The following ABCC9 variants were observed in gnomAD, a reference collection of about 807,000 sequenced individuals.
ABCC9 encodes the protein ATP-binding cassette sub-family C member 9.
Under a neutral mutation model 188.3 loss-of-function variants are expected in ABCC9, and 95 were observed. The observed-to-expected ratio is 0.50, with a 90% confidence interval of 0.43 to 0.60. The LOEUF is 0.60. Ranked by LOEUF, ABCC9 falls within the 20% of genes least tolerant of loss-of-function variation. The pLI is 0.00. For missense variants in ABCC9, 1,102 were observed against 1,876.3 expected, an observed-to-expected ratio of 0.59 and a Z score of 7.62; for synonymous variants, 659 against 652.7, an observed-to-expected ratio of 1.01 and a Z score of -0.15.
At chr12:21,898,180 A>G (rs910587712) in intron 12 of ABCC9, among the ~76,000 whole-genome samples, 1 of 152,158 alleles carries the variant, frequency 6.6e-6, no homozygotes, top group African/African-American at 2.4e-5. Context: ...AAAATAAATA[A>G]TAGAATCAAA....
chr12:21,821,581 G>A (rs1003766509), intron 31 of ABCC9, among the ~76,000 whole-genome samples: 25 of 152,014 alleles, frequency 1.6e-4, no homozygotes, highest in Non-Finnish European at 4.4e-5. Flanking sequence ...AACAGTAGGA[G>A]TAATATGAAT....
At chr12:21,818,506 AAC>A (rs1176517497) in intron 31 of ABCC9, among the ~76,000 whole-genome samples, 1 of 141,630 alleles carries the variant, frequency 7.1e-6, no homozygotes, top group African/African-American at 2.6e-5. Flanking sequence ...ATCTATATAT[AAC>A]TATATAGATA....
intron 16 of ABCC9, among the ~76,000 whole-genome samples, chr12:21,882,335 T>C (rs1040266889): frequency 6.6e-6 from 1 of 152,128 alleles, no homozygotes; most frequent in African/African-American, 2.4e-5. Flanking sequence ...TGAAATGAGA[T>C]CAAGGGCAGT....
At chr12:21,910,405 T>A in intron 9 of ABCC9, 93 bp from the exon 10 acceptor site, 1 of 1,304,332 alleles carries the variant, frequency 7.7e-7, no homozygotes, top group Non-Finnish European at 1.1e-6. Flanking sequence ...AACATTTAAT[T>A]TTTTTGAGAA....
chr12:21,814,874 T>C, intron 34 of ABCC9, 152 bp from the exon 35 acceptor site: 2 of 714,786 alleles, frequency 2.8e-6, no homozygotes, highest in South Asian at 3.4e-5. Context: ...TAGATCTACA[T>C]TATGAATTAT....
At chr12:21,803,208 A>G (rs1941587156) in intron 39 of ABCC9, among the ~76,000 whole-genome samples, 1 of 152,098 alleles carries the variant, frequency 6.6e-6, no homozygotes, top group African/African-American at 2.4e-5. Flanking sequence ...CTATCCAATA[A>G]TATCTGCTGT....
At chr12:21,813,160 AT>A (rs1295329538) in intron 35 of ABCC9, among the ~76,000 whole-genome samples, 1 of 152,182 alleles carries the variant, frequency 6.6e-6, no homozygotes, top group South Asian at 2.1e-4. Context: ...TCCTGTATTG[AT>A]TTAATAATAC....
At chr12:21,897,315 G>A (rs1947476069) in intron 12 of ABCC9, among the ~76,000 whole-genome samples, 1 of 152,078 alleles carries the variant, frequency 6.6e-6, no homozygotes, top group Admixed American at 6.6e-5. Flanking sequence ...CTGGATATTA[G>A]ACAATTTTCA....
At chr12:21,911,826 C>T (rs1948338480) in intron 8 of ABCC9, among the ~76,000 whole-genome samples, 1 of 151,874 alleles carries the variant, frequency 6.6e-6, no homozygotes, top group South Asian at 2.1e-4. Context: ...ATTTAGATAT[C>T]CGTATGTAAT....
chr12:21,860,709 C>T (rs1217470279), intron 21 of ABCC9, among the ~76,000 whole-genome samples: 3 of 152,104 alleles, frequency 2.0e-5, no homozygotes, highest in African/African-American at 7.2e-5. Flanking sequence ...TGGTCAAAGC[C>T]AGGAACTATG....
intron 35 of ABCC9, 55 bp downstream of exon 35, chr12:21,814,589 T>C: frequency 1.4e-6 from 2 of 1,430,138 alleles, no homozygotes; most frequent in Non-Finnish European, 1.9e-6. Flanking sequence ...TAAATTGATG[T>C]TTTTTTAAAG....
At chr12:21,817,561 T>C (rs904271626) in intron 32 of ABCC9, among the ~76,000 whole-genome samples, 3 of 152,168 alleles carry the variant, frequency 2.0e-5, no homozygotes, top group Admixed American at 1.3e-4. Context: ...TGATGGATAG[T>C]GGTATACTCT....
chr12:21,855,564 G>A (rs1945180863), intron 22 of ABCC9, among the ~76,000 whole-genome samples: 1 of 152,080 alleles, frequency 6.6e-6, no homozygotes, highest in Non-Finnish European at 1.5e-5. Flanking sequence ...AGGCATAATT[G>A]AAAGTCCATT....
At chr12:21,915,280 A>ATT (rs1330943844) in intron 7 of ABCC9, among the ~76,000 whole-genome samples, 1 of 6,394 alleles carries the variant, frequency 1.6e-4, no homozygotes, top group African/African-American at 1.9e-4. Flanking sequence ...GTGTATATAT[A>ATT]TGTGTGTATA....
chr12:21,908,210 A>T lies in ABCC9; in HGVS notation c.1322T>A (p.Ile441Asn), dbSNP rs765941070. 4 of 1,612,300 alleles carry T rather than the reference A, an allele frequency of 2.5e-6. No individual in the cohort carries two copies. The highest frequency in any genetic ancestry group is 4.5e-5 in the East Asian group (2 of 44,798). Reference sequence around the variant, plus strand: ...ATAGAGCAGAATCACGCCCATTATGATCTAGAGAGAAAAACACATGGAAAA... The same window carrying T: ...ATAGAGCAGAATCACGCCCATTATGTTCTAGAGAGAAAAACACATGGAAAA... ...CPNLWAMPVQ[I>N]IMGVILLYNL... The change falls in exon 11 of 40, where the codon ATC (isoleucine) becomes AAC (asparagine). Residue 441 changes from isoleucine to asparagine, a missense_variant and splice_region_variant. Ile to Asn is a moderately radical substitution (Grantham distance 149). Coordinates refer to ENST00000261200, the MANE Select transcript of ABCC9 (RefSeq NM_020297.4).
At chr12:21,803,031 G>T (rs887230745) in intron 39 of ABCC9, among the ~76,000 whole-genome samples, 1 of 151,862 alleles carries the variant, frequency 6.6e-6, no homozygotes, top group African/African-American at 2.4e-5. Flanking sequence ...AACAAATTAT[G>T]TATTAGGTTG....
intron 12 of ABCC9, among the ~76,000 whole-genome samples, chr12:21,903,411 T>C (rs1205829367): frequency 6.6e-6 from 1 of 152,134 alleles, no homozygotes; most frequent in African/African-American, 2.4e-5. Flanking sequence ...TTCAGCATAG[T>C]GTTGGAAGTA....
chr12:21,826,000 T>C (rs752724584), intron 31 of ABCC9, among the ~76,000 whole-genome samples: 1 of 152,146 alleles, frequency 6.6e-6, no homozygotes, highest in Non-Finnish European at 1.5e-5. Flanking sequence ...TTTTCTCCCA[T>C]TTCCATTATG....
At chr12:21,842,290 T>C (rs778656425) in intron 29 of ABCC9, 24 bp downstream of exon 29, 10 of 1,610,462 alleles carry the variant, frequency 6.2e-6, no homozygotes, top group Non-Finnish European at 8.5e-6. Context: ...CTTTTGAAAA[T>C]GAGTGGGATG....
Sources: gnomAD v4.1 joint callset for allele counts (sites outside exome capture counted in the v4.1 genomes callset) on GRCh38, gnomAD v4.1.1 for gene constraint, MANE v1.5 for transcripts, NCBI Gene and HGNC (gene_info 2026-07-23, HGNC 2026-07-21) for gene names.